Variants in ACOX3 observed in about 807,000 individuals in gnomAD.
ACOX3 encodes the protein peroxisomal acyl-coenzyme A oxidase 3.
Under a neutral mutation model 81.5 loss-of-function variants are expected in ACOX3, and 73 were observed. The observed-to-expected ratio is 0.90, with a 90% CI of 0.74 to 1.09. The LOEUF (loss-of-function observed/expected upper bound fraction) is 1.09, where lower values mean the gene tolerates loss of function less well. ACOX3 is among the 50% of genes least tolerant of loss of function. The pLI is 0.00. For missense variants in ACOX3, 947 were observed against 928.0 expected, an observed-to-expected ratio of 1.02 and a Z score of -0.27; for synonymous variants, 387 against 375.1, an observed-to-expected ratio of 1.03 and a Z score of -0.37.
chr4:8,366,769 G>T lies in ACOX3; in HGVS notation c.*192C>A. 1.6e-6 allele frequency: 1 copy of T among 617,214 alleles called. No individual in the cohort carries two copies. The highest frequency in any genetic ancestry group is 2.7e-6 in the Non-Finnish European group (1 of 371,532). 38.2% of individuals were successfully genotyped at this position (617,214 alleles called of 1,614,324 possible). ...CACGCTGCAAATCACCGCGATCCCA[G>T]ATTAGTCCAGCCGGCCGGGTGCCTC... On this transcript the variant is annotated 3_prime_UTR_variant, in exon 18 of 18. Coordinates refer to ENST00000356406, the MANE Select transcript of ACOX3 (RefSeq NM_003501.3).
chr4:8,385,150 C>T lies in ACOX3; in HGVS notation c.1538-3543G>A, dbSNP rs1718153108. Reference sequence around the variant, plus strand: ...GAGATTAAAGCCTAGCTCAAGGTCACAGCGGGGGGCAGTGCTGACCCAATA... The same window carrying T: ...GAGATTAAAGCCTAGCTCAAGGTCATAGCGGGGGGCAGTGCTGACCCAATA... On this transcript the variant is annotated intron_variant, in intron 13 of 17. Coordinates refer to ENST00000356406, the MANE Select transcript of ACOX3 (RefSeq NM_003501.3). The surrounding 1 kb of genome is among the most constrained non-coding windows in gnomAD (Gnocchi z 5.5). 6.6e-6 allele frequency among the ~76,000 whole-genome samples: 1 copy of T among 152,180 alleles called. No homozygotes were observed.
chr4:8,399,498 C>A lies in ACOX3; in HGVS notation c.873+58G>T. On this transcript the variant is annotated intron_variant, in intron 8 of 17. Coordinates refer to ENST00000356406, the MANE Select transcript of ACOX3 (RefSeq NM_003501.3). The surrounding 1 kb of genome is among the most constrained non-coding windows in gnomAD (Gnocchi z 4.9). ...GTGCAGGGAGGAGCACAGAGCCAGGCCCTGCAGAGGAAGGCACCTGGGAAG... is the reference window on the plus strand; with the variant it reads ...GTGCAGGGAGGAGCACAGAGCCAGGACCTGCAGAGGAAGGCACCTGGGAAG... The A allele has an allele frequency of 6.9e-7, 1 of 1,440,244 alleles. No individual in the cohort carries two copies. The highest frequency in any genetic ancestry group is 9.7e-7 in the Non-Finnish European group (1 of 1,025,644). The allele number at this position is 1,440,244 out of a possible 1,614,324, so 89.2% of individuals were successfully genotyped here.
chr4:8,369,224 G>A (rs761778466), intron 17 of ACOX3, among the ~76,000 whole-genome samples: 30 of 152,146 alleles, frequency 2.0e-4, no homozygotes, highest in South Asian at 4.1e-4. Context: ...CCTCCATGGC[G>A]GGTCTGGCTC....
At chr4:8,435,447 G>A (rs1324559274) in intron 1 of ACOX3, among the ~76,000 whole-genome samples, 1 of 151,954 alleles carries the variant, frequency 6.6e-6, no homozygotes, top group East Asian at 1.9e-4. Context: ...AGTGAGTGGA[G>A]ATTGTGCCAC....
At position 8,382,809 on chromosome 4, in the gene ACOX3, G is replaced by A. The variant is rs897620311; in HGVS notation, c.1538-1202C>T. Among the ~76,000 whole-genome samples, 3 of 151,992 alleles carry A rather than the reference G, an allele frequency of 2.0e-5. No homozygotes were observed. Among genetic ancestry groups the A allele is most frequent in the African/African-American group, 7.2e-5 (3 of 41,460 alleles). The stretch of plus-strand genomic sequence containing the variant: ...AGATCGAGACCATCCTGGCTAACAC[G>A]GTGAAACCCCGTCTCTACTAAAAAT... On this transcript the variant is annotated intron_variant, in intron 13 of 17. Transcript: ENST00000356406. The surrounding 1 kb of genome is among the most constrained non-coding windows in gnomAD (Gnocchi z 4.1).
rs1328533694 is a variant in ACOX3, at chr4:8,389,216, C to T, written c.1494G>A (p.Gln498=). ...CGGCAACACTGGAGACCTCAAACTTCTGGTCAAGGATGCCGGGATAGGCGT... is the reference window on the plus strand; with the variant it reads ...CGGCAACACTGGAGACCTCAAACTTTTGGTCAAGGATGCCGGGATAGGCGT... ...FLDAYPGILD[Q]KFEVSSVADC... The change falls in exon 13 of 18, where the codon CAG becomes CAA. Residue 498 remains glutamine, a synonymous_variant. Transcript: ENST00000356406. This position sits in a 1 kb window ranked among gnomAD's most constrained non-coding sequence, Gnocchi z 5.3. The T allele has an allele frequency of 6.2e-7, 1 of 1,614,006 alleles. No individual in the cohort carries two copies. The highest frequency in any genetic ancestry group is 1.7e-5 in the Admixed American group (1 of 60,012).
chr4:8,359,670 G>T, the ACOX3 span, among the ~76,000 whole-genome samples: 303 of 152,268 alleles, frequency 2.0e-3, 2 homozygotes, highest in African/African-American at 6.8e-3. The surrounding 1 kb of genome is among the most constrained non-coding windows in gnomAD (Gnocchi z 6.0). Flanking sequence ...GGGACTGCTG[G>T]AAAAGATCCC....
rs1453140031 is a variant in ACOX3, at chr4:8,408,899, GGGGGT to G, written c.687+1308_687+1312del. 1.7e-3 allele frequency among the ~76,000 whole-genome samples: 92 copies of G among 55,574 alleles called. 1 individual carries two copies. The highest frequency in any genetic ancestry group is 8.5e-3 in the South Asian group (12 of 1,408). The allele number at this position is 55,574 out of a possible 152,430, so 36.5% of individuals were successfully genotyped here. A position where few individuals can be genotyped will look rare whatever the true frequency, so the allele number is the denominator to read the frequency against. On this transcript the variant is annotated intron_variant, in intron 6 of 17. Transcript: ENST00000356406. ...TGGGACTGAGCCCTCACTGGGGGGG[GGGGGT>G]GGGGGGGGGGTGGGGGCGGTCTGAG... is the stretch of plus-strand genomic sequence containing the variant.
At chr4:8,425,693 TACTAGTCTGGATAGATAC>T (rs1203870430) in intron 1 of ACOX3, among the ~76,000 whole-genome samples, 3 of 150,578 alleles carry the variant, frequency 2.0e-5, no homozygotes, top group Non-Finnish European at 4.4e-5. Flanking sequence ...TTTCAGTATC[TACTAGTCTGGATAGATAC>T]TTTCACTGGT....
Position 8,425,235 on chromosome 4 carries a change from A to G in ACOX3, c.-14-8700T>C, listed in dbSNP as rs192018899. Among the ~76,000 whole-genome samples, 163 of 152,256 alleles carry G rather than the reference A, an allele frequency of 1.1e-3. 2 individuals carry two copies. The highest frequency in any genetic ancestry group is 3.7e-3 in the African/African-American group (155 of 41,556). On this transcript the variant is annotated intron_variant, in intron 1 of 17. Coordinates refer to ENST00000356406, the MANE Select transcript of ACOX3 (RefSeq NM_003501.3). ...AAGGGAACCGCGAAGCAGATACTGA[A>G]GCCAAAAGAGCCGCAAGGTGGGACC... is the stretch of plus-strand genomic sequence containing the variant.
intron 5 of ACOX3, 65 bp from the exon 6 acceptor site, chr4:8,410,420 T>C: frequency 1.3e-6 from 2 of 1,578,726 alleles, no homozygotes; most frequent in Non-Finnish European, 1.7e-6. Flanking sequence ...ATTGGTGTTT[T>C]CCTTTTAGAC....
At chr4:8,371,740 T>C (rs1231899137) in intron 16 of ACOX3, among the ~76,000 whole-genome samples, 1 of 152,214 alleles carries the variant, frequency 6.6e-6, no homozygotes, top group African/African-American at 2.4e-5. Flanking sequence ...TCCACGTGCC[T>C]CAGCACAGAG....
In ACOX3 at chr4:8,399,557, T is replaced by G; in HGVS notation, c.872A>C (p.Lys291Thr). ...ACGAACGGCCCCCCATGCCTGTACC[T>G]TAAAGGGGCTGACATAGGTGCCCTC... is the stretch of plus-strand genomic sequence containing the variant. ...TPEGTYVSPF[K>T]DVRQRFGASL... Residue 291 changes from lysine (K) to threonine (T), a missense_variant and splice_region_variant, in exon 8 of 18, where the codon AAG becomes ACG. Physicochemically the swap from Lys to Thr is moderately conservative, Grantham distance 78. Transcript: ENST00000356406. The surrounding 1 kb of genome is among the most constrained non-coding windows in gnomAD (Gnocchi z 4.9). 2.5e-6 allele frequency: 4 copies of G among 1,612,806 alleles called. No individual in the cohort carries two copies. In the South Asian group the frequency reaches 4.4e-5, roughly 18 times the overall value.
rs1415887905 is a variant in ACOX3, at chr4:8,405,157, G to A, written c.776+798C>T. Reference sequence around the variant, plus strand: ...TCATTCCAAAAGTCATGCTGCTAATGACCTGGAGCTCCAAAATCCAATCCC... The same window carrying A: ...TCATTCCAAAAGTCATGCTGCTAATAACCTGGAGCTCCAAAATCCAATCCC... On this transcript the variant is annotated intron_variant, in intron 7 of 17. Coordinates refer to ENST00000356406, the MANE Select transcript of ACOX3 (RefSeq NM_003501.3). This position sits in a 1 kb window ranked among gnomAD's most constrained non-coding sequence, Gnocchi z 7.1. Among the ~76,000 whole-genome samples the A allele has an allele frequency of 6.6e-6, 1 of 152,148 alleles. No homozygotes were observed. The highest frequency in any genetic ancestry group is 1.5e-5 in the Non-Finnish European group (1 of 68,014).
At chr4:8,393,545 G>C (rs778704274) in intron 10 of ACOX3, among the ~76,000 whole-genome samples, 5 of 149,566 alleles carry the variant, frequency 3.3e-5, no homozygotes, top group Non-Finnish European at 7.4e-5. Context: ...CAGAGTAAAA[G>C]AAGAATTTTT....
At chr4:8,397,821 G>A (rs916447302) in intron 8 of ACOX3, among the ~76,000 whole-genome samples, 2 of 152,336 alleles carry the variant, frequency 1.3e-5, no homozygotes, top group Non-Finnish European at 2.9e-5. Flanking sequence ...GTGTCTGAGC[G>A]TATTAATCAC....
At chr4:8,401,357 C>G (rs1720356415) in intron 7 of ACOX3, among the ~76,000 whole-genome samples, 1 of 152,168 alleles carries the variant, frequency 6.6e-6, no homozygotes, top group Admixed American at 6.5e-5. Flanking sequence ...TGGAAGGGAA[C>G]CAGAGGCACC....
At chr4:8,401,988 C>G (rs1720420650) in intron 7 of ACOX3, among the ~76,000 whole-genome samples, 1 of 152,222 alleles carries the variant, frequency 6.6e-6, no homozygotes, top group Non-Finnish European at 1.5e-5. Flanking sequence ...TCTCCCGGGG[C>G]TCACCCCCCT....
intron 15 of ACOX3, 115 bp from the exon 16 acceptor site, chr4:8,373,743 G>T (rs1245194137): frequency 2.3e-6 from 2 of 884,818 alleles, no homozygotes; most frequent in Non-Finnish European, 3.6e-6. Context: ...TGTTTTGGGT[G>T]AACACATCAG....
Sources: allele counts gnomAD v4.1 joint callset (sites outside exome capture counted in the v4.1 genomes callset), GRCh38; gene constraint gnomAD v4.1.1; non-coding constraint Gnocchi (gnomAD v3.1); transcripts MANE v1.5; gene names NCBI Gene and HGNC (gene_info 2026-07-23, HGNC 2026-07-21).